The following NMRAL1 variants were observed in gnomAD, a reference collection of about 807,000 sequenced individuals.
The protein encoded by NMRAL1 is nmrA-like family domain-containing protein 1.
In NMRAL1, 32 loss-of-function variants were observed where a neutral mutation model predicts 27.5. The observed-to-expected ratio is 1.16, with a 90% CI of 0.88 to 1.56. The LOEUF is 1.56. Among genes scored for constraint, NMRAL1 ranks in the 40% most tolerant of loss-of-function variants. The pLI is 0.00. For missense variants in NMRAL1, 420 were observed against 392.0 expected (o/e 1.07, Z -0.60); for synonymous variants, 166 against 166.8 (o/e 1.00, Z 0.04).
intron 3 of NMRAL1, among the ~76,000 whole-genome samples, chr16:4,468,353 C>T (rs891754770): frequency 1.3e-5 from 2 of 151,080 alleles, no homozygotes; most frequent in Admixed American, 6.6e-5. Flanking sequence ...ATGTGGCTTA[C>T]GCCTGTAATC....
intron 5 of NMRAL1, among the ~76,000 whole-genome samples, chr16:4,463,137 G>A (rs999713893): frequency 2.6e-5 from 4 of 152,170 alleles, no homozygotes; most frequent in African/African-American, 9.7e-5. Flanking sequence ...TTACAGGCGT[G>A]AGCTACTGCA....
At chr16:4,472,964 C>A (rs1453435328) in intron 2 of NMRAL1, among the ~76,000 whole-genome samples, 1 of 147,610 alleles carries the variant, frequency 6.8e-6, no homozygotes, top group Non-Finnish European at 1.5e-5. Context: ...TTCACGGGTT[C>A]ATGGAGTTCT....
intron 2 of NMRAL1, among the ~76,000 whole-genome samples, chr16:4,471,611 C>G (rs901984300): frequency 6.9e-6 from 1 of 144,996 alleles, no homozygotes; most frequent in South Asian, 2.2e-4. Flanking sequence ...AGAGTAAGGC[C>G]CTGTCTCCAA....
chr16:4,470,097 G>C (rs1177260139), intron 2 of NMRAL1, among the ~76,000 whole-genome samples: 2 of 149,356 alleles, frequency 1.3e-5, no homozygotes, highest in African/African-American at 4.9e-5. Context: ...AGGAGGCGGA[G>C]GTTGCAGTGA....
intron 2 of NMRAL1, 108 bp downstream of exon 2, chr16:4,473,985 G>C (rs2141473909): frequency 2.5e-6 from 2 of 788,652 alleles, no homozygotes; most frequent in Non-Finnish European, 4.2e-6. Context: ...CCCCAACCTG[G>C]GTCGGGGGTC....
rs147300546 is a variant in NMRAL1 at position 4,463,389 on chromosome 16, C to T, written c.720+271G>A. 5.4e-4 allele frequency: 276 copies of T among 514,762 alleles called. 5 individuals carry two copies. The highest frequency in any genetic ancestry group is 4.9e-3 in the African/African-American group (241 of 49,582). The allele number at this position is 514,762 out of a possible 1,614,324, so 31.9% of individuals were successfully genotyped here. Reference sequence around the variant, plus strand: ...TCAAATTCCCTCCCACAGAGGAGCCCGGCAGGGCCTGCATTTTCACCCCTC... The same window carrying T: ...TCAAATTCCCTCCCACAGAGGAGCCTGGCAGGGCCTGCATTTTCACCCCTC... On this transcript the variant is annotated intron_variant, in intron 5 of 5. Transcript: ENST00000283429.
In NMRAL1 at chr16:4,466,197, T is replaced by A. The variant is rs775170779; in HGVS notation, c.485A>T (p.His162Leu). The A allele has an allele frequency of 2.5e-6, 4 of 1,613,976 alleles. No individual in the cohort carries two copies. The East Asian group carries it at 8.9e-5, about 36-fold the overall frequency. ...GTCTGGGGCTTTCTGGGGCAAGAAG[T>A]GGGAGAGGAGGTTCTCAAAATAGCA... ...LPCYFENLLS[H>L]FLPQKAPDGK... Residue 162 changes from histidine (H) to leucine (L), a missense_variant, in exon 4 of 6, where the codon CAC becomes CTC. By Grantham distance (99) the His-to-Leu change is moderately conservative. Transcript: ENST00000283429.
In NMRAL1 at chr16:4,474,201, G is replaced by A. The variant is rs1228801642; in HGVS notation, c.-34-35C>T. 40 of 1,528,150 alleles carry A rather than the reference G, an allele frequency of 2.6e-5. No homozygotes were observed. The East Asian group carries it at 8.8e-4, about 34-fold the overall frequency. The allele number at this position is 1,528,150 out of a possible 1,614,324, so 94.7% of individuals were successfully genotyped here. A position where few individuals can be genotyped will look rare whatever the true frequency, so the allele number is the denominator to read the frequency against. ...ATGGGAGGCGTGGAGTTGGGGGTGGGGCCGGGGTTCCCGCCAGGAGCGACA... is the reference window on the plus strand; with the variant it reads ...ATGGGAGGCGTGGAGTTGGGGGTGGAGCCGGGGTTCCCGCCAGGAGCGACA... On this transcript the variant is annotated intron_variant, in intron 1 of 5. Transcript: ENST00000283429.
intron 3 of NMRAL1, among the ~76,000 whole-genome samples, chr16:4,468,066 G>A (rs576551160): frequency 1.1e-4 from 16 of 152,108 alleles, no homozygotes; most frequent in African/African-American, 3.6e-4. Context: ...TTGGGAGGCC[G>A]AGGCAGGCGG....
upstream of NMRAL1, chr16:4,476,094 T>C (rs1220743845): frequency 1.3e-5 from 2 of 152,180 alleles, no homozygotes; most frequent in African/African-American, 4.8e-5. Flanking sequence ...GGTGCCACGG[T>C]TGACAACCCT....
intron 3 of NMRAL1, among the ~76,000 whole-genome samples, chr16:4,468,289 C>T (rs927498262): frequency 3.3e-5 from 5 of 150,142 alleles, no homozygotes; most frequent in East Asian, 2.0e-4. Flanking sequence ...GCAACAAAAG[C>T]GAAACTCGGC....
chr16:4,462,040 G>T, intron 5 of NMRAL1, 81 bp from the exon 6 acceptor site: 1 of 1,215,912 alleles, frequency 8.2e-7, no homozygotes. Context: ...GATGGGCTGG[G>T]GTCTCCCGAC....
rs1490233710 is a variant in NMRAL1 at position 4,469,439 on chromosome 16, T to C, written c.67A>G (p.Thr23Ala). 1 of 1,613,898 alleles carries C rather than the reference T, an allele frequency of 6.2e-7. No individual in the cohort carries two copies. The highest frequency in any genetic ancestry group is 1.7e-5 in the Admixed American group (1 of 59,984). Reference sequence around the variant, plus strand: ...TTGAATGTCCCATCTTCCAGGAGTGTGCGGGCCACGGAGCCACCCTGGGCA... The same window carrying C: ...TTGAATGTCCCATCTTCCAGGAGTGCGCGGGCCACGGAGCCACCCTGGGCA... ...TGAQGGSVAR[T>A]LLEDGTFKVR... Residue 23 changes from threonine (T) to alanine (A), a missense_variant, in exon 3 of 6, where the codon ACA (threonine) becomes GCA (alanine). Transcript: ENST00000283429.
intron 3 of NMRAL1, 78 bp from the exon 4 acceptor site, chr16:4,466,480 C>A: frequency 6.8e-7 from 1 of 1,469,574 alleles, no homozygotes; most frequent in South Asian, 1.2e-5. Context: ...GCATTCTAAT[C>A]CCGGAGCGGC....
intron 2 of NMRAL1, among the ~76,000 whole-genome samples, chr16:4,471,927 C>T (rs977973265): frequency 1.3e-5 from 2 of 151,768 alleles, no homozygotes; most frequent in Non-Finnish European, 2.9e-5. Context: ...ATTAAAAAAT[C>T]AGCTGGGCCT....
chr16:4,467,947 T>C (rs1192306193), intron 3 of NMRAL1, among the ~76,000 whole-genome samples: 4 of 151,894 alleles, frequency 2.6e-5, no homozygotes, highest in Admixed American at 6.6e-5. Flanking sequence ...GCCACGTGGA[T>C]TGTGGTCCTT....
chr16:4,476,241 C>T (rs1358491972), upstream of NMRAL1: 2 of 152,334 alleles, frequency 1.3e-5, no homozygotes, highest in African/African-American at 4.8e-5. Flanking sequence ...ACTTACCCCG[C>T]TGAGCAGAGC....
chr16:4,473,972 C>A, intron 2 of NMRAL1, 121 bp downstream of exon 2: 1 of 693,928 alleles, frequency 1.4e-6, no homozygotes, highest in Non-Finnish European at 2.5e-6. Flanking sequence ...CCTGCGACCA[C>A]AGCCCCAACC....
At position 4,462,286 on chromosome 16, in the gene NMRAL1, G is replaced by A. The variant is rs1380401844; in HGVS notation, c.721-327C>T. On this transcript the variant is annotated intron_variant, in intron 5 of 5. Coordinates refer to ENST00000283429, the MANE Select transcript of NMRAL1 (RefSeq NM_020677.6). ...TTGAGGCCAGGAGTTCGAGACCAGCGTGGCCAACACGATAAAACCCCGTCT... is the reference window on the plus strand; with the variant it reads ...TTGAGGCCAGGAGTTCGAGACCAGCATGGCCAACACGATAAAACCCCGTCT... Among the ~76,000 whole-genome samples, 4 of 152,048 alleles carry A rather than the reference G, an allele frequency of 2.6e-5. No individual in the cohort carries two copies. In the East Asian group the frequency reaches 5.8e-4, roughly 22 times the overall value.
Sources: allele counts gnomAD v4.1 joint callset (sites outside exome capture counted in the v4.1 genomes callset), GRCh38; gene constraint gnomAD v4.1.1; transcripts MANE v1.5; gene names NCBI Gene and HGNC (gene_info 2026-07-23, HGNC 2026-07-21).